ZNF737: variants seen among roughly 807,000 people sequenced by gnomAD.
ZNF737 encodes the protein zinc finger protein 102 (Y3).
A neutral mutation model predicts 11.7 loss-of-function variants in ZNF737; 13 were observed. That is an observed-to-expected ratio of 1.11 (90% CI 0.73 to 1.77). The LOEUF (loss-of-function observed/expected upper bound fraction) is 1.77. ZNF737 is among the 40% of genes most tolerant of loss of function. The probability of loss-of-function intolerance (pLI) is 0.00; values close to 1 mark genes in which losing one functional copy is unlikely to be tolerated. For synonymous variants in ZNF737, 217 were observed against 216.2 expected, an observed-to-expected ratio of 1.00 and a Z score of -0.03; for missense variants, 636 against 638.0, an observed-to-expected ratio of 1.00 and a Z score of 0.03.
Position 20,544,316 on chromosome 19 carries a change from A to G in ZNF737, c.*276T>C. 1 of 1,279,274 alleles carries G rather than the reference A, an allele frequency of 7.8e-7. No homozygotes were observed. 79.2% of individuals were successfully genotyped at this position (1,279,274 alleles called of 1,614,324 possible). A position where few individuals can be genotyped will look rare whatever the true frequency, so the allele number is the denominator to read the frequency against. ...ATTTAGTAAAAGTTGATAGCTGGTT[A>G]AAGGCTTTCCGACATTCATCAAACT... On this transcript the variant is annotated 3_prime_UTR_variant, in exon 4 of 4. Coordinates refer to ENST00000427401, the MANE Select transcript of ZNF737 (RefSeq NM_001159293.2).
chr19:20,537,255 C>A (rs956831716), downstream of ZNF737, among the ~76,000 whole-genome samples: 1 of 150,314 alleles, frequency 6.7e-6, no homozygotes, highest in Non-Finnish European at 1.5e-5. Flanking sequence ...GGCTGGAGTA[C>A]AATGGCACAA....
chr19:20,563,475 G>A (rs1555762978), intron 1 of ZNF737, among the ~76,000 whole-genome samples: 1 of 138,944 alleles, frequency 7.2e-6, no homozygotes, highest in African/African-American at 2.7e-5. Context: ...TACATAAGAA[G>A]GAAGTGCTTA....
rs1599401574 is a variant in ZNF737 at position 20,542,738 on chromosome 19, A to AATG, written c.*1851_*1853dup. 3 of 984,464 alleles carry AATG rather than the reference A, an allele frequency of 3.0e-6. No homozygotes were observed. In the East Asian group the frequency reaches 3.4e-4, roughly 112 times the overall value. The allele number at this position is 984,464 out of a possible 1,614,324, so 61.0% of individuals were successfully genotyped here. The stretch of plus-strand genomic sequence containing the variant: ...ATTTTCATTATGCGTCTTACATTTT[A>AATG]ATGTTCTTACTATTTTATAGAAAAA... On this transcript the variant is annotated 3_prime_UTR_variant, in exon 4 of 4. Transcript: ENST00000427401.
In ZNF737 at chr19:20,542,542, T is replaced by G. The variant is rs1394375139; in HGVS notation, c.*2050A>C. On this transcript the variant is annotated 3_prime_UTR_variant, in exon 4 of 4. Transcript: ENST00000427401. ...CCATCAAGCCCGGCCCTAACAGTTTTAAAATGCACTGCATTTTATTACATA... is the reference window on the plus strand; with the variant it reads ...CCATCAAGCCCGGCCCTAACAGTTTGAAAATGCACTGCATTTTATTACATA... 3.1e-6 allele frequency: 3 copies of G among 982,634 alleles called. No homozygotes were observed. Among genetic ancestry groups the G allele is most frequent in the Non-Finnish European group, 3.6e-6 (3 of 827,540 alleles). The allele number at this position is 982,634 out of a possible 1,614,324, so 60.9% of individuals were successfully genotyped here.
intron 1 of ZNF737, among the ~76,000 whole-genome samples, chr19:20,554,626 A>G (rs1968816031): frequency 1.3e-5 from 2 of 152,230 alleles, no homozygotes; most frequent in Non-Finnish European, 2.9e-5. Context: ...CACATAGAAG[A>G]ACACAGCATC....
At chr19:20,558,742 C>T (rs1968979572) in intron 1 of ZNF737, among the ~76,000 whole-genome samples, 1 of 152,206 alleles carries the variant, frequency 6.6e-6, no homozygotes, top group Non-Finnish European at 1.5e-5. Flanking sequence ...CTGCTCTGAA[C>T]ATCCTCAAAT....
intron 1 of ZNF737, among the ~76,000 whole-genome samples, chr19:20,564,326 G>A (rs2144713440): frequency 6.6e-6 from 1 of 152,300 alleles, no homozygotes. Flanking sequence ...CCTGCAAAAA[G>A]AGGAACTAAT....
At chr19:20,535,528 GTTT>G (rs112343450), downstream of ZNF737, among the ~76,000 whole-genome samples, 1 of 139,952 alleles carries the variant, frequency 7.1e-6, no homozygotes, top group Admixed American at 7.2e-5. Flanking sequence ...CAAAATCCTC[GTTT>G]TTTTTTTTTT....
At chr19:20,563,549 G>A (rs1216041298) in intron 1 of ZNF737, among the ~76,000 whole-genome samples, 1 of 144,716 alleles carries the variant, frequency 6.9e-6, no homozygotes, top group Non-Finnish European at 1.5e-5. Context: ...TCAATGGCAT[G>A]ATCTTGGCTC....
At chr19:20,549,633 A>T (rs998301838) in intron 3 of ZNF737, among the ~76,000 whole-genome samples, 25 of 151,768 alleles carry the variant, frequency 1.6e-4, no homozygotes, top group African/African-American at 5.1e-4. Flanking sequence ...AAGTATAATT[A>T]AAAAAAAATT....
intron 1 of ZNF737, among the ~76,000 whole-genome samples, chr19:20,556,370 T>C (rs1968889262): frequency 6.6e-6 from 1 of 152,160 alleles, no homozygotes; most frequent in Non-Finnish European, 1.5e-5. Context: ...GGCCATGTGA[T>C]CCTAATGAGA....
chr19:20,555,243 C>T (rs369029160), intron 1 of ZNF737, among the ~76,000 whole-genome samples: 4 of 150,676 alleles, frequency 2.7e-5, no homozygotes, highest in East Asian at 2.0e-4. Flanking sequence ...AGTGCAGTGG[C>T]GCAACCTTGG....
At chr19:20,548,925 T>C (rs1968552685) in intron 3 of ZNF737, among the ~76,000 whole-genome samples, 1 of 132,934 alleles carries the variant, frequency 7.5e-6, no homozygotes, top group Non-Finnish European at 1.6e-5. Flanking sequence ...AAATTTTATA[T>C]TACGTGTTTT....
chr19:20,555,030 T>G (rs1968835043), intron 1 of ZNF737, among the ~76,000 whole-genome samples: 2 of 151,698 alleles, frequency 1.3e-5, no homozygotes, highest in South Asian at 4.2e-4. Context: ...GCCCGGCTAG[T>G]TTTTGTATTT....
chr19:20,544,394 G>T lies in ZNF737; in HGVS notation c.*198C>A. 7.0e-7 allele frequency: 1 copy of T among 1,427,782 alleles called. No individual in the cohort carries two copies. The highest frequency in any genetic ancestry group is 9.1e-7 in the Non-Finnish European group (1 of 1,097,044). The allele number at this position is 1,427,782 out of a possible 1,614,324, so 88.4% of individuals were successfully genotyped here. ...TCTTATGTCTAGTAAGGGCAGAGGT[G>T]TCCTTAAAGGCTTTGCTGCATTTTC... On this transcript the variant is annotated 3_prime_UTR_variant, in exon 4 of 4. Coordinates refer to ENST00000427401, the MANE Select transcript of ZNF737 (RefSeq NM_001159293.2).
chr19:20,556,746 G>A (rs1468918860), intron 1 of ZNF737, among the ~76,000 whole-genome samples: 1 of 152,116 alleles, frequency 6.6e-6, no homozygotes. Context: ...GTTTACAGAG[G>A]AAACAAGGCA....
chr19:20,532,968 T>C (rs1967865738), downstream of ZNF737, among the ~76,000 whole-genome samples: 1 of 150,054 alleles, frequency 6.7e-6, no homozygotes, highest in African/African-American at 2.5e-5. Flanking sequence ...AGAGTGTGAT[T>C]TTACATCACA....
downstream of ZNF737, among the ~76,000 whole-genome samples, chr19:20,534,869 A>C (rs1170008740): frequency 1.3e-4 from 20 of 150,048 alleles, 1 homozygote; most frequent in African/African-American, 4.9e-4. Context: ...ATAAATGTTT[A>C]TTTTCATTTC....
At chr19:20,535,128 A>C (rs557320491), downstream of ZNF737, among the ~76,000 whole-genome samples, 2 of 151,736 alleles carry the variant, frequency 1.3e-5, 1 homozygote, top group South Asian at 4.2e-4. Flanking sequence ...AAATACAAAA[A>C]TTAGCCTGGT....
Sources: gnomAD v4.1 joint callset for allele counts (sites outside exome capture counted in the v4.1 genomes callset) on GRCh38, gnomAD v4.1.1 for gene constraint, MANE v1.5 for transcripts, NCBI Gene and HGNC (gene_info 2026-07-23, HGNC 2026-07-21) for gene names.